The following CEP162 variants were observed in gnomAD, a reference collection of about 807,000 sequenced individuals.
CEP162 encodes the protein centrosomal protein 162.
Under a neutral mutation model 169.2 loss-of-function variants are expected in CEP162, and 141 were observed. That is an observed-to-expected ratio of 0.83 (90% CI 0.73 to 0.96). The LOEUF (loss-of-function observed/expected upper bound fraction) is 0.96. Ranked by LOEUF, CEP162 falls within the 40% of genes least tolerant of loss-of-function variation. CEP162 has a pLI of 0.00. For missense variants in CEP162, 1,600 were observed against 1,587.2 expected (o/e 1.01, Z -0.14); for synonymous variants, 540 against 526.4 (o/e 1.03, Z -0.35).
rs143201990 is a variant in CEP162 at position 84,181,487 on chromosome 6, T to C, written c.1663+3700A>G. Among the ~76,000 whole-genome samples, 524 of 152,046 alleles carry C rather than the reference T, an allele frequency of 3.4e-3. 3 individuals are homozygous for C. The highest frequency in any genetic ancestry group is 0.012 in the African/African-American group (482 of 41,504). On this transcript the variant is annotated intron_variant, in intron 13 of 26. Coordinates refer to ENST00000403245, the MANE Select transcript of CEP162 (RefSeq NM_014895.4). ...ACACCAAAAGCAATGGCAACAAAAG[T>C]CAAAATTGTCAAGTAATTACTTTAA...
chr6:84,216,078 A>G, intron 3 of CEP162, 156 bp from the exon 4 acceptor site: 1 of 862,154 alleles, frequency 1.2e-6, no homozygotes, highest in South Asian at 2.5e-5. Context: ...TAACACTCAC[A>G]AAAGAAAGAT....
At chr6:84,159,027 C>A (rs917668321) in intron 21 of CEP162, among the ~76,000 whole-genome samples, 1 of 151,108 alleles carries the variant, frequency 6.6e-6, no homozygotes, top group African/African-American at 2.4e-5. Context: ...TAATTAGCCC[C>A]ATTTTTACTT....
At chr6:84,161,714 A>G (rs1562028001) in intron 20 of CEP162, 32 bp downstream of exon 20, 1 of 1,473,898 alleles carries the variant, frequency 6.8e-7, no homozygotes, top group Non-Finnish European at 9.2e-7. Flanking sequence ...GGATTCATCT[A>G]GAGAAGAAAT....
chr6:84,197,826 A>AAAAC (rs1491548347), intron 9 of CEP162, among the ~76,000 whole-genome samples: 2 of 103,126 alleles, frequency 1.9e-5, no homozygotes, highest in African/African-American at 1.3e-4. Context: ...CAAACAAAAC[A>AAAAC]AAAAAAAAAA....
chr6:84,203,781 G>A (rs890836552), intron 7 of CEP162, among the ~76,000 whole-genome samples, 200 bp downstream of exon 7: 9 of 152,070 alleles, frequency 5.9e-5, no homozygotes, highest in African/African-American at 1.2e-4. Flanking sequence ...ATTAATTGTC[G>A]TAATTTTTTT....
At chr6:84,176,746 G>A (rs1035456371) in intron 13 of CEP162, among the ~76,000 whole-genome samples, 2 of 152,040 alleles carry the variant, frequency 1.3e-5, no homozygotes, top group Non-Finnish European at 2.9e-5. Flanking sequence ...CTGGTCCCAG[G>A]CTTTTTGGAT....
intron 6 of CEP162, among the ~76,000 whole-genome samples, chr6:84,210,303 A>C (rs368250897): frequency 5.0e-4 from 76 of 152,312 alleles, no homozygotes; most frequent in African/African-American, 1.8e-3. Context: ...TTGTTGGCAA[A>C]CTTAGCTGCA....
chr6:84,198,107 CA>C (rs2099542914), intron 9 of CEP162, among the ~76,000 whole-genome samples: 1 of 152,158 alleles, frequency 6.6e-6, no homozygotes, highest in East Asian at 1.9e-4. Flanking sequence ...GAATCTTTGA[CA>C]ATGTTTAAAG....
At chr6:84,175,164 A>C in intron 14 of CEP162, 50 bp downstream of exon 14, 1 of 1,249,934 alleles carries the variant, frequency 8.0e-7, no homozygotes, top group Non-Finnish European at 1.1e-6. Flanking sequence ...TTTAGTTTTA[A>C]TATAATTTTA....
At chr6:84,195,660 T>C (rs1460071740) in intron 9 of CEP162, among the ~76,000 whole-genome samples, 1 of 152,244 alleles carries the variant, frequency 6.6e-6, no homozygotes, top group Non-Finnish European at 1.5e-5. Context: ...CATTGTTTTT[T>C]TTCCTGTAAC....
chr6:84,197,326 C>A (rs563920051), intron 9 of CEP162, among the ~76,000 whole-genome samples: 1 of 151,410 alleles, frequency 6.6e-6, no homozygotes, highest in Admixed American at 6.6e-5. Flanking sequence ...GAGTTATTAA[C>A]CTAAGCCATA....
At chr6:84,142,360 G>A (rs951547680) in intron 25 of CEP162, among the ~76,000 whole-genome samples, 1 of 152,118 alleles carries the variant, frequency 6.6e-6, no homozygotes, top group Non-Finnish European at 1.5e-5. Context: ...TAAAATGAAA[G>A]CTATATGATC....
intron 3 of CEP162, among the ~76,000 whole-genome samples, chr6:84,220,274 G>A (rs2099553173): frequency 6.6e-6 from 1 of 152,184 alleles, no homozygotes; most frequent in Non-Finnish European, 1.5e-5. Flanking sequence ...TGGTGTGAAT[G>A]TAGGTACTGA....
intron 6 of CEP162, among the ~76,000 whole-genome samples, chr6:84,207,065 G>T (rs891324240): frequency 6.6e-6 from 1 of 152,114 alleles, no homozygotes; most frequent in Non-Finnish European, 1.5e-5. Context: ...AAAAAGTCAG[G>T]AAACAACAGG....
chr6:84,205,824 C>T (rs62449309), intron 6 of CEP162, among the ~76,000 whole-genome samples: 24,750 of 148,308 alleles, frequency 0.17, 5,029 homozygotes, highest in African/African-American at 0.49. Flanking sequence ...GAATACCCCA[C>T]TGTCTCAGCC....
chr6:84,147,456 G>A (rs560292575), intron 24 of CEP162, among the ~76,000 whole-genome samples: 1 of 152,056 alleles, frequency 6.6e-6, no homozygotes, highest in African/African-American at 2.4e-5. Context: ...ACAATATTAT[G>A]TGTATTTCAC....
chr6:84,180,266 T>C lies in CEP162; in HGVS notation c.1664-4919A>G, dbSNP rs562639439. Among the ~76,000 whole-genome samples the C allele has an allele frequency of 2.5e-3, 382 of 152,168 alleles. 1 individual carries two copies. The highest frequency in any genetic ancestry group is 8.1e-3 in the African/African-American group (337 of 41,518). ...AACCACATGATTATCTCAATAGATG[T>C]AGAAAAGGCCTTTGACAAAATTCAA... On this transcript the variant is annotated intron_variant, in intron 13 of 26. Coordinates refer to ENST00000403245, the MANE Select transcript of CEP162 (RefSeq NM_014895.4).
rs368301397 is a variant in CEP162 at position 84,153,695 on chromosome 6, C to T, written c.2995-516G>A. ...CAGCAAATGAAATAAATAATTTCTC[C>T]TACGGAGGGAGGCACGAGCAGTGTT... On this transcript the variant is annotated intron_variant, in intron 22 of 26. Transcript: ENST00000403245. 2.6e-5 allele frequency among the ~76,000 whole-genome samples: 4 copies of T among 152,204 alleles called. No individual in the cohort carries two copies. In the East Asian group the frequency reaches 7.7e-4, roughly 29 times the overall value.
intron 25 of CEP162, among the ~76,000 whole-genome samples, chr6:84,127,049 C>G (rs941719747): frequency 1.3e-5 from 2 of 152,014 alleles, no homozygotes; most frequent in Non-Finnish European, 2.9e-5. Context: ...AAGTACTGAG[C>G]CCTTTCTGTG....
Sources: gnomAD v4.1 joint callset for allele counts (sites outside exome capture counted in the v4.1 genomes callset) on GRCh38, gnomAD v4.1.1 for gene constraint, MANE v1.5 for transcripts, NCBI Gene and HGNC (gene_info 2026-07-23, HGNC 2026-07-21) for gene names.